The following GUCY2C variants were observed in gnomAD, a reference collection of about 807,000 sequenced individuals.
GUCY2C encodes guanylyl cyclase C.
A neutral mutation model predicts 131.1 loss-of-function variants in GUCY2C; 118 were observed. The ratio of observed to expected loss-of-function variants is 0.90; its 90% CI spans 0.78 to 1.05. GUCY2C has a LOEUF of 1.05. GUCY2C is among the 50% of genes least tolerant of loss of function. The probability of loss-of-function intolerance (pLI) is 0.00; values close to 1 mark genes in which losing one functional copy is unlikely to be tolerated. For synonymous variants in GUCY2C, 452 were observed against 457.8 expected (o/e 0.99, Z 0.16); for missense variants, 1,161 against 1,304.4 (o/e 0.89, Z 1.69).
chr12:14,641,273 G>C, intron 17 of GUCY2C, 54 bp from the exon 18 acceptor site: 2 of 1,556,434 alleles, frequency 1.3e-6, no homozygotes, highest in South Asian at 1.1e-5. Flanking sequence ...TGGTTCATAG[G>C]CCTCCAACCT....
At chr12:14,624,765 A>G (rs920080504) in intron 21 of GUCY2C, among the ~76,000 whole-genome samples, 1 of 152,218 alleles carries the variant, frequency 6.6e-6, no homozygotes, top group Non-Finnish European at 1.5e-5. Flanking sequence ...AAAAACATCT[A>G]CCAACTAGTA....
chr12:14,689,973 G>A (rs1948546438), intron 1 of GUCY2C, among the ~76,000 whole-genome samples: 1 of 152,230 alleles, frequency 6.6e-6, no homozygotes, highest in Non-Finnish European at 1.5e-5. Flanking sequence ...AGAAGGTGCT[G>A]CAGAATTCTG....
chr12:14,630,266 T>C (rs1947113875), intron 19 of GUCY2C, among the ~76,000 whole-genome samples: 1 of 151,978 alleles, frequency 6.6e-6, no homozygotes, highest in South Asian at 2.1e-4. Flanking sequence ...GTATAGCCTG[T>C]GGTGCCAATA....
At chr12:14,643,841 AT>A in intron 16 of GUCY2C, 135 bp from the exon 17 acceptor site, 1 of 728,368 alleles carries the variant, frequency 1.4e-6, no homozygotes. Context: ...TAGTCCCACT[AT>A]TTTTACCTTA....
At chr12:14,620,604 G>C (rs944387937) in intron 23 of GUCY2C, among the ~76,000 whole-genome samples, 19 of 152,060 alleles carry the variant, frequency 1.2e-4, no homozygotes, top group African/African-American at 4.6e-4. Context: ...GAAGGGAGGG[G>C]GTATAAATAT....
Position 14,668,207 on chromosome 12 carries a change from G to A in GUCY2C, c.1282+1515C>T, listed in dbSNP as rs140739003. Among the ~76,000 whole-genome samples the A allele has an allele frequency of 1.6e-3, 241 of 151,780 alleles. 2 individuals carry two copies. The highest frequency in any genetic ancestry group is 5.5e-3 in the African/African-American group (229 of 41,380). ...TATTTTTGAGACGGAGTCTTGCTCT[G>A]TTCCCCAGGCTGGAGTGCAGTGGCG... On this transcript the variant is annotated intron_variant, in intron 10 of 26. Coordinates refer to ENST00000261170, the MANE Select transcript of GUCY2C (RefSeq NM_004963.4).
intron 19 of GUCY2C, among the ~76,000 whole-genome samples, chr12:14,633,724 A>G (rs1338840359): frequency 6.6e-6 from 1 of 152,028 alleles, no homozygotes; most frequent in Non-Finnish European, 1.5e-5. Context: ...CATAAAAAAG[A>G]ATAAAACAAA....
chr12:14,692,997 C>T (rs1565639303), intron 1 of GUCY2C, among the ~76,000 whole-genome samples: 1 of 152,074 alleles, frequency 6.6e-6, no homozygotes, highest in Non-Finnish European at 1.5e-5. Context: ...AATGTCTTCC[C>T]TTTTATCACT....
chr12:14,663,426 C>T lies in GUCY2C; in HGVS notation c.1283-2364G>A, dbSNP rs533921934. Among the ~76,000 whole-genome samples the T allele has an allele frequency of 1.6e-4, 25 of 152,186 alleles. 1 individual carries two copies. In the South Asian group the frequency reaches 2.1e-3, roughly 13 times the overall value. On this transcript the variant is annotated intron_variant, in intron 10 of 26. Transcript: ENST00000261170. ...CCTCCCAAGTATCTGGGATTACAGG[C>T]GCACGCCACCATGTCCAGCTAATTT...
intron 15 of GUCY2C, among the ~76,000 whole-genome samples, chr12:14,648,156 T>G (rs980890850): frequency 7.9e-5 from 12 of 152,134 alleles, no homozygotes; most frequent in Admixed American, 7.2e-4. Flanking sequence ...GAGACGGGGT[T>G]TCACTATGTT....
At chr12:14,689,211 AG>A (rs1258911441) in intron 1 of GUCY2C, among the ~76,000 whole-genome samples, 6 of 152,198 alleles carry the variant, frequency 3.9e-5, no homozygotes, top group Non-Finnish European at 5.9e-5. Context: ...TGTATTTTGA[AG>A]GTAGGAAATT....
chr12:14,664,369 A>G (rs1947927638), intron 10 of GUCY2C, among the ~76,000 whole-genome samples: 1 of 152,160 alleles, frequency 6.6e-6, no homozygotes, highest in Non-Finnish European at 1.5e-5. Flanking sequence ...TCACTGGTCT[A>G]TCAAAATTGC....
chr12:14,620,803 G>A (rs911658717), intron 23 of GUCY2C, among the ~76,000 whole-genome samples: 1 of 152,138 alleles, frequency 6.6e-6, no homozygotes, highest in African/African-American at 2.4e-5. Flanking sequence ...TTTCGTACAT[G>A]TTTGGTGTTT....
At position 14,622,148 on chromosome 12, in the gene GUCY2C, A is replaced by G. The variant is rs1453909736; in HGVS notation, c.2458T>C (p.Tyr820His). ...CTGAAGTAGATTGTAACTTCCTCAT[A>G]TAGTTCCGGCTCCACAAAGCCTTTC... ...KEKGFVEPEL[Y>H]EEVTIYFSDI... Residue 820 changes from tyrosine (Y) to histidine (H), a missense_variant, in exon 22 of 27, where the codon TAT becomes CAT. By Grantham distance (83) the Tyr-to-His change is moderately conservative. Coordinates refer to ENST00000261170, the MANE Select transcript of GUCY2C (RefSeq NM_004963.4). 6.3e-7 allele frequency: 1 copy of G among 1,598,754 alleles called. No homozygotes were observed.
At chr12:14,670,089 A>G (rs927900107) in intron 9 of GUCY2C, among the ~76,000 whole-genome samples, 2 of 152,224 alleles carry the variant, frequency 1.3e-5, no homozygotes, top group African/African-American at 4.8e-5. Context: ...TGTCCAGCAC[A>G]GATTCTGTGG....
intron 2 of GUCY2C, 80 bp downstream of exon 2, chr12:14,687,871 T>C (rs1231918384): frequency 1.3e-6 from 1 of 790,822 alleles, no homozygotes; most frequent in African/African-American, 1.7e-5. Context: ...AGCTGCTTCA[T>C]GGTCATGTGC....
intron 11 of GUCY2C, among the ~76,000 whole-genome samples, chr12:14,660,312 TG>T (rs1230450918): frequency 1.3e-5 from 2 of 152,358 alleles, no homozygotes; most frequent in Admixed American, 1.3e-4. Context: ...CACTCATTTA[TG>T]TATTCAATAA....
At chr12:14,648,272 TA>T (rs71038619) in intron 15 of GUCY2C, among the ~76,000 whole-genome samples, 134,164 of 147,874 alleles carry the variant, frequency 0.91, 61,677 homozygotes, top group South Asian at 0.99. Flanking sequence ...ATCTTTAAAT[TA>T]AAAAAAAAAA....
chr12:14,616,764 G>C, intron 24 of GUCY2C, 37 bp from the exon 25 acceptor site: 1 of 1,107,674 alleles, frequency 9.0e-7, no homozygotes, highest in African/African-American at 1.5e-5. Flanking sequence ...ATCCCAGCTA[G>C]TACACAGCCT....
Sources: allele counts gnomAD v4.1 joint callset (sites outside exome capture counted in the v4.1 genomes callset), GRCh38; gene constraint gnomAD v4.1.1; transcripts MANE v1.5; gene names NCBI Gene and HGNC (gene_info 2026-07-23, HGNC 2026-07-21).